The following ABCA1 variants were observed in gnomAD, a reference collection of about 807,000 sequenced individuals.
The protein encoded by ABCA1 is ATP binding cassette subfamily A member 1, also known as phospholipid-transporting ATPase ABCA1.
ABCA1 carries 133 observed loss-of-function variants against 262.5 expected under a neutral mutation model. The observed-to-expected ratio is 0.51, with a 90% confidence interval of 0.44 to 0.59. ABCA1 has a LOEUF of 0.59. Among genes scored for constraint, ABCA1 ranks in the 20% least tolerant of loss-of-function variants. The probability of loss-of-function intolerance (pLI) is 0.00; values close to 1 mark genes in which losing one functional copy is unlikely to be tolerated. For missense variants in ABCA1, 2,452 were observed against 2,777.5 expected (o/e 0.88, Z 2.63); for synonymous variants, 1,022 against 1,043.5 (o/e 0.98, Z 0.40).
Position 104,897,666 on chromosome 9 carries a change from A to G in ABCA1, c.66+5948T>C, listed in dbSNP as rs963428603. 2.6e-5 allele frequency among the ~76,000 whole-genome samples: 4 copies of G among 152,292 alleles called. No individual in the cohort carries two copies. In the East Asian group the frequency reaches 7.7e-4, roughly 29 times the overall value. ...CACCCAGGCAGGAGTACAGTGGTGC[A>G]ATCTTGGCTCACTGCAACTTCCACC... On this transcript the variant is annotated intron_variant, in intron 2 of 49. Transcript: ENST00000374736.
At chr9:104,820,832 A>G (rs1832264499) in intron 20 of ABCA1, among the ~76,000 whole-genome samples, 1 of 152,094 alleles carries the variant, frequency 6.6e-6, no homozygotes, top group Non-Finnish European at 1.5e-5. Flanking sequence ...CCAAGCCCCC[A>G]TCCACTGGCT....
At chr9:104,915,235 G>A (rs1648600925) in intron 1 of ABCA1, among the ~76,000 whole-genome samples, 2 of 152,214 alleles carry the variant, frequency 1.3e-5, no homozygotes, top group South Asian at 4.1e-4. Context: ...TCACCAGCCA[G>A]CTCTTGAGAC....
At chr9:104,798,318 G>T in intron 37 of ABCA1, 103 bp downstream of exon 37, 1 of 1,370,918 alleles carries the variant, frequency 7.3e-7, no homozygotes, top group Non-Finnish European at 1.0e-6. Flanking sequence ...CTTTAGAGTA[G>T]CTGGAACATT....
At chr9:104,864,503 A>C (rs1251763496) in intron 5 of ABCA1, among the ~76,000 whole-genome samples, 2 of 152,178 alleles carry the variant, frequency 1.3e-5, no homozygotes, top group Non-Finnish European at 2.9e-5. Flanking sequence ...TGGGAGTCAG[A>C]AACCTGGGTT....
rs536836332 is a variant in ABCA1, at chr9:104,788,476, C to G, written c.6019G>C (p.Val2007Leu). 9 of 1,614,168 alleles carry G rather than the reference C, an allele frequency of 5.6e-6. No individual in the cohort carries two copies. Among genetic ancestry groups the G allele is most frequent in the Middle Eastern group, 1.7e-4 (1 of 6,060 alleles). ...ITELLTGREHVEFFALLRGVP... is the reference protein window; with the variant it reads ...ITELLTGREHLEFFALLRGVP... ...CCTCTCAAAAGGGCAAAGAACTCCA[C>G]GTGTTCTCTCCCAGTCAACAGCTCT... The change falls in exon 45 of 50, where the codon GTG (valine) becomes CTG (leucine). Residue 2007 changes from valine (V) to leucine (L), a missense_variant. Transcript: ENST00000374736.
At chr9:104,870,225 T>C (rs1244697932) in intron 5 of ABCA1, among the ~76,000 whole-genome samples, 1 of 152,238 alleles carries the variant, frequency 6.6e-6, no homozygotes, top group Admixed American at 6.5e-5. Context: ...AACAAACTTC[T>C]GAATGGCTAC....
In ABCA1 at chr9:104,784,030, G is replaced by T; in HGVS notation, c.*285C>A. The T allele has an allele frequency of 4.9e-5, 17 of 348,354 alleles. No homozygotes were observed. Among genetic ancestry groups the T allele is most frequent in the Middle Eastern group, 8.7e-4 (1 of 1,146 alleles). 21.6% of individuals were successfully genotyped at this position (348,354 alleles called of 1,614,324 possible). ...AAAAAGTGTGAGTTCAAACCCATAT[G>T]TCCATTGGGTTCCATAATAGAGTTT... On this transcript the variant is annotated 3_prime_UTR_variant, in exon 50 of 50. Transcript: ENST00000374736.
intron 3 of ABCA1, among the ~76,000 whole-genome samples, chr9:104,888,058 G>GGTGTGTGTGTGTGTGT (rs10693809): frequency 7.1e-6 from 1 of 140,304 alleles, no homozygotes; most frequent in Non-Finnish European, 1.5e-5. Context: ...TTTCTTGAGG[G>GGTGTGTGTGTGTGTGT]GTGTGTGTGT....
At chr9:104,905,837 G>C (rs1388309953) in intron 1 of ABCA1, among the ~76,000 whole-genome samples, 1 of 152,174 alleles carries the variant, frequency 6.6e-6, no homozygotes, top group East Asian at 1.9e-4. Context: ...GTAACAATGA[G>C]GAGGGGACAA....
In ABCA1 at chr9:104,812,561, C is replaced by T. The variant is rs766706936; in HGVS notation, c.4050+13G>A. 5 of 1,614,180 alleles carry T rather than the reference C, an allele frequency of 3.1e-6. No individual in the cohort carries two copies. The highest frequency in any genetic ancestry group is 4.2e-6 in the Non-Finnish European group (5 of 1,180,036). ...ATGAAGCCAGAGTCTCTGGCGAAAA[C>T]AGCACGTCTCACCTGAGCAAAAAAT... is the stretch of plus-strand genomic sequence containing the variant. On this transcript the variant is annotated intron_variant, in intron 28 of 49. Transcript: ENST00000374736.
intron 11 of ABCA1, among the ~76,000 whole-genome samples, chr9:104,833,772 G>T (rs1442158455): frequency 6.6e-6 from 1 of 152,162 alleles, no homozygotes; most frequent in African/African-American, 2.4e-5. Flanking sequence ...GGATGTACAG[G>T]TCATGATGCA....
At chr9:104,842,496 T>C (rs904544939) in intron 8 of ABCA1, among the ~76,000 whole-genome samples, 10 of 152,190 alleles carry the variant, frequency 6.6e-5, no homozygotes, top group Admixed American at 4.6e-4. Context: ...CCATAAATTA[T>C]TGAGTTATTC....
intron 45 of ABCA1, among the ~76,000 whole-genome samples, 179 bp from the exon 46 acceptor site, chr9:104,788,233 C>T (rs1182929878): frequency 6.6e-6 from 1 of 152,196 alleles, no homozygotes; most frequent in Non-Finnish European, 1.5e-5. Context: ...GCAGCACTCC[C>T]TCTCTGCCCA....
chr9:104,785,593 G>C lies in ABCA1; in HGVS notation c.6448C>G (p.Pro2150Ala), dbSNP rs779096899. ...TIVVRIAGSN[P>A]DLKPVQDFFG... ...AAATCCTGGACAGGCTTCAGGTCCG[G>C]GTTGGACCCTGCTATTCGTACAACT... Residue 2150 changes from proline to alanine, a missense_variant, in exon 49 of 50, where the codon CCG becomes GCG. Around this residue, in one of 4 missense-constraint regions of ABCA1, gnomAD observed 752 missense variants for 944.5 expected, o/e 0.80. Transcript: ENST00000374736. The C allele has an allele frequency of 6.2e-7, 1 of 1,614,108 alleles. No individual in the cohort carries two copies. Among genetic ancestry groups the C allele is most frequent in the Non-Finnish European group, 8.5e-7 (1 of 1,180,004 alleles).
chr9:104,812,399 G>C (rs1029854644), intron 28 of ABCA1, among the ~76,000 whole-genome samples, 175 bp downstream of exon 28: 3 of 152,194 alleles, frequency 2.0e-5, no homozygotes, highest in Non-Finnish European at 4.4e-5. Flanking sequence ...GAGGCATAGA[G>C]AAGTAACTTG....
intron 40 of ABCA1, 66 bp from the exon 41 acceptor site, chr9:104,793,366 T>C (rs1405463452): frequency 1.1e-5 from 17 of 1,609,608 alleles, no homozygotes; most frequent in Non-Finnish European, 1.4e-5. Context: ...CTTCCTCAAA[T>C]TTGGGCCTAT....
rs56848416 is a variant in ABCA1, at chr9:104,906,928, G to A, written c.-92-3157C>T. Among the ~76,000 whole-genome samples the A allele has an allele frequency of 5.0e-3, 758 of 152,036 alleles. 8 individuals carry two copies. Among genetic ancestry groups the A allele is most frequent in the African/African-American group, 0.012 (488 of 41,456 alleles). Reference sequence around the variant, plus strand: ...ACTCTGATCCTGCTCCTAGATGACCGCAACTGCCACCTCACTGGTCTCCCA... The same window carrying A: ...ACTCTGATCCTGCTCCTAGATGACCACAACTGCCACCTCACTGGTCTCCCA... On this transcript the variant is annotated intron_variant, in intron 1 of 49. Coordinates refer to ENST00000374736, the MANE Select transcript of ABCA1 (RefSeq NM_005502.4).
chr9:104,786,741 A>G lies in ABCA1; in HGVS notation c.6308+132T>C, dbSNP rs1465499380. 1.1e-5 allele frequency: 9 copies of G among 848,080 alleles called. 1 individual carries two copies. In the Admixed American group the frequency reaches 1.8e-4, roughly 17 times the overall value. The allele number at this position is 848,080 out of a possible 1,614,324, so 52.5% of individuals were successfully genotyped here. ...GGCTTGCATTTTTGTAAGAATATGC[A>G]TATATAATTTCAGGTAATAATTGTT... On this transcript the variant is annotated intron_variant, in intron 47 of 49. Transcript: ENST00000374736.
chr9:104,838,048 G>A (rs1158224493), intron 9 of ABCA1, among the ~76,000 whole-genome samples: 2 of 152,182 alleles, frequency 1.3e-5, no homozygotes, highest in Admixed American at 1.3e-4. Context: ...ATTTGGGGCT[G>A]GGCGCAGTGG....
Sources: allele counts gnomAD v4.1 joint callset (sites outside exome capture counted in the v4.1 genomes callset), GRCh38; gene constraint gnomAD v4.1.1; regional missense constraint gnomAD v4.1.1; transcripts MANE v1.5; gene names NCBI Gene and HGNC (gene_info 2026-07-23, HGNC 2026-07-21).